Variants in KIAA1328 observed in about 807,000 individuals in gnomAD.
KIAA1328 encodes protein hinderin.
KIAA1328 carries 52 observed loss-of-function variants against 68.1 expected under a neutral mutation model. The ratio of observed to expected loss-of-function variants is 0.76; its 90% CI spans 0.61 to 0.96. The LOEUF (loss-of-function observed/expected upper bound fraction) is 0.96. Ranked by LOEUF, KIAA1328 falls within the 40% of genes least tolerant of loss-of-function variation. The pLI, the probability that KIAA1328 is intolerant of heterozygous loss-of-function variation, is 0.00. For synonymous variants in KIAA1328, 232 were observed against 239.4 expected, an observed-to-expected ratio of 0.97 and a Z score of 0.28; for missense variants, 641 against 677.6, an observed-to-expected ratio of 0.95 and a Z score of 0.60.
intron 7 of KIAA1328, among the ~76,000 whole-genome samples, chr18:37,093,194 T>C (rs938458514): frequency 1.3e-5 from 2 of 152,224 alleles, no homozygotes; most frequent in Non-Finnish European, 2.9e-5. Flanking sequence ...GAAATGACTG[T>C]TACACTGGAT....
chr18:36,933,085 AT>A (rs1425972601), intron 5 of KIAA1328, among the ~76,000 whole-genome samples: 1 of 152,294 alleles, frequency 6.6e-6, no homozygotes, highest in East Asian at 1.9e-4. Context: ...AATGATTTGC[AT>A]TCAACACACA....
At chr18:36,832,187 G>A (rs2046515515) in intron 1 of KIAA1328, among the ~76,000 whole-genome samples, 1 of 152,142 alleles carries the variant, frequency 6.6e-6, no homozygotes, top group South Asian at 2.1e-4. Flanking sequence ...CAAATTATTA[G>A]AAAGGATAGA....
At chr18:36,879,692 C>T (rs1007556248) in intron 4 of KIAA1328, among the ~76,000 whole-genome samples, 17 of 152,192 alleles carry the variant, frequency 1.1e-4, no homozygotes, top group East Asian at 3.8e-4. Context: ...AAGTCCCTGA[C>T]GGGCTGCTGC....
intron 5 of KIAA1328, among the ~76,000 whole-genome samples, chr18:36,888,433 G>A (rs977350326): frequency 6.6e-6 from 1 of 152,138 alleles, no homozygotes; most frequent in East Asian, 1.9e-4. Flanking sequence ...TAGTCATGTG[G>A]CATAGTCAGA....
intron 7 of KIAA1328, among the ~76,000 whole-genome samples, chr18:37,091,015 A>G (rs1264068344): frequency 3.3e-5 from 5 of 152,222 alleles, no homozygotes. Flanking sequence ...CATCCAGAAT[A>G]TAGACGTTCT....
chr18:37,003,677 A>G (rs1018461826), intron 6 of KIAA1328, among the ~76,000 whole-genome samples: 1 of 152,086 alleles, frequency 6.6e-6, no homozygotes, highest in Non-Finnish European at 1.5e-5. Context: ...CAATGTCTAG[A>G]AAGGGTTTTC....
intron 7 of KIAA1328, among the ~76,000 whole-genome samples, chr18:37,100,425 A>G (rs1257894331): frequency 1.3e-5 from 2 of 152,170 alleles, no homozygotes; most frequent in African/African-American, 4.8e-5. Context: ...GCTCATTGCT[A>G]GCACAGCAGT....
intron 9 of KIAA1328, among the ~76,000 whole-genome samples, chr18:37,219,024 A>T (rs978379445): frequency 1.3e-5 from 2 of 152,074 alleles, no homozygotes; most frequent in Non-Finnish European, 2.9e-5. Flanking sequence ...GTTGATGTTG[A>T]TGCTATTCCT....
intron 4 of KIAA1328, among the ~76,000 whole-genome samples, chr18:36,847,588 T>C (rs1051174211): frequency 6.6e-6 from 1 of 151,578 alleles, no homozygotes; most frequent in African/African-American, 2.4e-5. Context: ...TTTTCCCCTT[T>C]TTTTACCCAT....
At chr18:36,881,288 GT>G (rs2048321679) in intron 4 of KIAA1328, among the ~76,000 whole-genome samples, 2 of 151,568 alleles carry the variant, frequency 1.3e-5, no homozygotes. Context: ...ACTTTTATAA[GT>G]TTTCTTTATA....
intron 5 of KIAA1328, among the ~76,000 whole-genome samples, chr18:36,929,928 G>C (rs2050253082): frequency 6.6e-6 from 1 of 152,094 alleles, no homozygotes; most frequent in Non-Finnish European, 1.5e-5. Context: ...GGGTGGTAGT[G>C]TTTTCTGACC....
intron 7 of KIAA1328, among the ~76,000 whole-genome samples, chr18:37,098,622 T>C (rs1464145919): frequency 6.6e-6 from 1 of 152,238 alleles, no homozygotes; most frequent in East Asian, 1.9e-4. Context: ...TATTTTTCTA[T>C]TGACTGGAAT....
At chr18:36,953,083 A>G (rs1373923247) in intron 5 of KIAA1328, among the ~76,000 whole-genome samples, 1 of 151,664 alleles carries the variant, frequency 6.6e-6, no homozygotes, top group African/African-American at 2.4e-5. Flanking sequence ...GCATTGAAAC[A>G]CTGTGTACCT....
At chr18:36,843,087 A>G (rs2046911663) in intron 3 of KIAA1328, among the ~76,000 whole-genome samples, 1 of 152,126 alleles carries the variant, frequency 6.6e-6, no homozygotes, top group Non-Finnish European at 1.5e-5. Flanking sequence ...ATAAAGAATA[A>G]TAAAAAATCT....
intron 8 of KIAA1328, among the ~76,000 whole-genome samples, chr18:37,165,413 A>G (rs2059366844): frequency 6.6e-6 from 1 of 150,954 alleles, no homozygotes; most frequent in African/African-American, 2.4e-5. Context: ...TTATTTATTT[A>G]TTTATTTATT....
At chr18:37,104,051 T>A (rs2057701442) in intron 7 of KIAA1328, among the ~76,000 whole-genome samples, 1 of 152,162 alleles carries the variant, frequency 6.6e-6, no homozygotes, top group South Asian at 2.1e-4. Context: ...AAAAGGGAAC[T>A]CCCATACGCT....
intron 6 of KIAA1328, among the ~76,000 whole-genome samples, chr18:36,993,619 G>A (rs1460728776): frequency 6.6e-6 from 1 of 152,084 alleles, no homozygotes; most frequent in Admixed American, 6.6e-5. Flanking sequence ...TAAAGATAAA[G>A]ATATAACTGT....
chr18:36,852,611 G>C (rs983889197), intron 4 of KIAA1328, among the ~76,000 whole-genome samples: 1 of 152,268 alleles, frequency 6.6e-6, no homozygotes, highest in South Asian at 2.1e-4. Flanking sequence ...AATACGAAGG[G>C]CTGTGGAAGC....
chr18:36,877,414 C>T (rs1300003275), intron 4 of KIAA1328, among the ~76,000 whole-genome samples: 1 of 151,902 alleles, frequency 6.6e-6, no homozygotes, highest in Non-Finnish European at 1.5e-5. Flanking sequence ...ATCCCTTTAC[C>T]ATTATGTAAT....
Sources: gnomAD v4.1 joint callset for allele counts (sites outside exome capture counted in the v4.1 genomes callset) on GRCh38, gnomAD v4.1.1 for gene constraint, MANE v1.5 for transcripts, NCBI Gene and HGNC (gene_info 2026-07-23, HGNC 2026-07-21) for gene names.